FAM227B: variants seen among roughly 807,000 people sequenced by gnomAD.
The protein encoded by FAM227B is family with sequence similarity 227 member B.
FAM227B carries 88 observed loss-of-function variants against 73.8 expected under a neutral mutation model. The observed-to-expected ratio is 1.19, with a 90% CI of 1.00 to 1.42. The LOEUF is 1.42. Ranked by LOEUF, FAM227B falls within the 40% of genes most tolerant of loss-of-function variation. The pLI, the probability that FAM227B is intolerant of heterozygous loss-of-function variation, is 0.00. For missense variants in FAM227B, 632 were observed against 590.9 expected (o/e 1.07, Z -0.72); for synonymous variants, 210 against 190.5 (o/e 1.10, Z -0.84).
chr15:49,328,642 C>G lies in FAM227B; in HGVS notation c.1453G>C (p.Ala485Pro), dbSNP rs2037951626. 1 of 1,575,538 alleles carries G rather than the reference C, an allele frequency of 6.3e-7. No individual in the cohort carries two copies. The highest frequency in any genetic ancestry group is 8.6e-7 in the Non-Finnish European group (1 of 1,157,170). ...GATGATGATGATGACGATAGTGATG[C>G]CACACATTCTCTCTCAATTTCAGCT... Reference protein sequence around the residue: ...SEAEIERECVASLSSSSSSSP... With the variant: ...SEAEIERECVPSLSSSSSSSP... Residue 485 changes from alanine (A) to proline (P), a missense_variant, in exon 16 of 16, where the codon GCA becomes CCA. Ala to Pro is a conservative substitution (Grantham distance 27, BLOSUM62 -1). Coordinates refer to ENST00000299338, the MANE Select transcript of FAM227B (RefSeq NM_152647.3).
intron 4 of FAM227B, among the ~76,000 whole-genome samples, chr15:49,588,376 T>C (rs2076300527): frequency 6.6e-6 from 1 of 150,734 alleles, no homozygotes; most frequent in South Asian, 2.1e-4. Flanking sequence ...CCTAAAAAAG[T>C]CCACATTTTT....
At chr15:49,587,735 CTAAG>C (rs537283302) in intron 5 of FAM227B, among the ~76,000 whole-genome samples, 138 of 152,102 alleles carry the variant, frequency 9.1e-4, no homozygotes, top group African/African-American at 2.9e-3. Flanking sequence ...ACCTGCACTA[CTAAG>C]TATGTTATAA....
intron 11 of FAM227B, among the ~76,000 whole-genome samples, chr15:49,382,858 A>G (rs1052832850): frequency 6.6e-6 from 1 of 152,110 alleles, no homozygotes; most frequent in Non-Finnish European, 1.5e-5. Context: ...TCTTTACCAT[A>G]ATGAGAATGA....
intron 9 of FAM227B, among the ~76,000 whole-genome samples, chr15:49,545,066 G>T (rs935874425): frequency 6.6e-6 from 1 of 152,110 alleles, no homozygotes; most frequent in African/African-American, 2.4e-5. Flanking sequence ...AATAGTTTCA[G>T]TAAAATTGGT....
intron 11 of FAM227B, among the ~76,000 whole-genome samples, chr15:49,471,243 T>C (rs952283215): frequency 2.8e-5 from 3 of 106,750 alleles, no homozygotes; most frequent in Non-Finnish European, 6.1e-5. Flanking sequence ...CCCAGCACTT[T>C]GGGAGGCCGA....
intron 4 of FAM227B, 77 bp from the exon 5 acceptor site, chr15:49,588,160 C>T: frequency 2.3e-6 from 2 of 859,264 alleles, no homozygotes; most frequent in African/African-American, 1.8e-5. Context: ...ATTTTAAATA[C>T]TTTAAACAAA....
intron 3 of FAM227B, among the ~76,000 whole-genome samples, chr15:49,609,453 T>C (rs2077743543): frequency 6.6e-6 from 1 of 151,888 alleles, no homozygotes; most frequent in African/African-American, 2.4e-5. Context: ...GAGAAACAAG[T>C]AGCTAACATG....
intron 10 of FAM227B, among the ~76,000 whole-genome samples, chr15:49,539,251 T>C (rs1418764536): frequency 6.6e-6 from 1 of 152,156 alleles, no homozygotes; most frequent in African/African-American, 2.4e-5. Context: ...AGGCTAGTGG[T>C]GTCTGCAATG....
At position 49,328,649 on chromosome 15, in the gene FAM227B, T is replaced by A. The variant is rs960806833; in HGVS notation, c.1446A>T (p.Glu482Asp). 3 of 1,572,852 alleles carry A rather than the reference T, an allele frequency of 1.9e-6. No homozygotes were observed. The highest frequency in any genetic ancestry group is 2.6e-6 in the Non-Finnish European group (3 of 1,155,804). The change falls in exon 16 of 16, where the codon GAA becomes GAT. Residue 482 changes from glutamate to aspartate, a missense_variant. Coordinates refer to ENST00000299338, the MANE Select transcript of FAM227B (RefSeq NM_152647.3). ...KLRSEAEIERECVASLSSSSS... is the reference protein window; with the variant it reads ...KLRSEAEIERDCVASLSSSSS... ...ATGATGACGATAGTGATGCCACACATTCTCTCTCAATTTCAGCTTCGGAAC... is the reference window on the plus strand; with the variant it reads ...ATGATGACGATAGTGATGCCACACAATCTCTCTCAATTTCAGCTTCGGAAC...
chr15:49,576,338 C>G (rs919851732), intron 7 of FAM227B: 1 of 156,188 alleles, frequency 6.4e-6, no homozygotes, highest in Non-Finnish European at 1.4e-5. Context: ...TACAGGGATA[C>G]TACCCCAAAA....
At chr15:49,588,124 A>G (rs1470455230) in intron 4 of FAM227B, 41 bp from the exon 5 acceptor site, 12 of 1,169,018 alleles carry the variant, frequency 1.0e-5, no homozygotes, top group Non-Finnish European at 1.4e-5. Context: ...TATTATACAT[A>G]TGAACCTCCT....
chr15:49,454,537 T>C (rs1034283987), intron 11 of FAM227B, among the ~76,000 whole-genome samples: 4 of 152,218 alleles, frequency 2.6e-5, no homozygotes, highest in African/African-American at 7.2e-5. Context: ...ACTTAACTTA[T>C]CTGTACTTTA....
intron 9 of FAM227B, among the ~76,000 whole-genome samples, chr15:49,561,911 T>A (rs1296586449): frequency 6.6e-6 from 1 of 151,902 alleles, no homozygotes; most frequent in Non-Finnish European, 1.5e-5. Flanking sequence ...GATCTCAAAT[T>A]AACAATATAA....
chr15:49,455,836 T>C (rs906472591), intron 11 of FAM227B, among the ~76,000 whole-genome samples: 6 of 152,186 alleles, frequency 3.9e-5, no homozygotes, highest in African/African-American at 1.4e-4. Context: ...TTGGGTATTA[T>C]TGAACCATGG....
In FAM227B at chr15:49,327,996, G is replaced by T. The variant is rs755806512; in HGVS notation, c.*572C>A. The stretch of plus-strand genomic sequence containing the variant: ...TCACGACTTACTGGAGCAGGATGGG[G>T]AGGCTGCACAGTATCAATGGTACCT... On this transcript the variant is annotated 3_prime_UTR_variant, in exon 16 of 16. Coordinates refer to ENST00000299338, the MANE Select transcript of FAM227B (RefSeq NM_152647.3). 10 of 1,613,760 alleles carry T rather than the reference G, an allele frequency of 6.2e-6. No individual in the cohort carries two copies. The Admixed American group carries it at 1.7e-4, about 27-fold the overall frequency.
At chr15:49,412,453 A>G (rs1346887502) in intron 11 of FAM227B, among the ~76,000 whole-genome samples, 1 of 152,050 alleles carries the variant, frequency 6.6e-6, no homozygotes, top group African/African-American at 2.4e-5. Flanking sequence ...ATAACCAGAG[A>G]GGGTACTAAG....
chr15:49,549,613 A>G (rs2072501784), intron 9 of FAM227B, among the ~76,000 whole-genome samples: 1 of 151,814 alleles, frequency 6.6e-6, no homozygotes, highest in Admixed American at 6.6e-5. Flanking sequence ...CTGAGTGGAC[A>G]CAGCACATGA....
chr15:49,425,074 G>C (rs886253548), intron 11 of FAM227B: 4 of 152,022 alleles, frequency 2.6e-5, no homozygotes, highest in African/African-American at 9.7e-5. Flanking sequence ...GCATTCCTTT[G>C]CAATTGTGTA....
At chr15:49,541,652 G>A (rs1424260482) in intron 10 of FAM227B, 28 bp downstream of exon 10, 6 of 1,369,796 alleles carry the variant, frequency 4.4e-6, no homozygotes, top group Non-Finnish European at 5.7e-6. Flanking sequence ...CCAAAACAAT[G>A]ATTAATATTT....
Sources: allele counts gnomAD v4.1 joint callset (sites outside exome capture counted in the v4.1 genomes callset), GRCh38; gene constraint gnomAD v4.1.1; transcripts MANE v1.5; gene names NCBI Gene and HGNC (gene_info 2026-07-23, HGNC 2026-07-21).